Variants in DCUN1D4 observed in about 807,000 individuals in gnomAD.
The protein encoded by DCUN1D4 is defective in cullin neddylation 1 domain containing 4.
DCUN1D4 carries 22 observed loss-of-function variants against 47.9 expected under a neutral mutation model. The observed-to-expected ratio is 0.46, with a 90% CI of 0.33 to 0.66. DCUN1D4 has a LOEUF of 0.66. DCUN1D4 is among the 30% of genes least tolerant of loss of function. DCUN1D4 has a pLI of 0.02. For synonymous variants in DCUN1D4, 121 were observed against 112.2 expected (o/e 1.08, Z -0.50); for missense variants, 301 against 340.8 (o/e 0.88, Z 0.92).
At chr4:51,859,557 G>A (rs1724691873) in intron 1 of DCUN1D4, among the ~76,000 whole-genome samples, 2 of 148,326 alleles carry the variant, frequency 1.3e-5, no homozygotes, top group South Asian at 2.1e-4. Context: ...GAGTAGTTTG[G>A]GGGAATGGAC....
chr4:51,872,331 C>T (rs115706641), intron 3 of DCUN1D4, among the ~76,000 whole-genome samples: 3 of 152,296 alleles, frequency 2.0e-5, no homozygotes, highest in Admixed American at 1.3e-4. Context: ...CTATTGACAG[C>T]TCTCTCTGCC....
At chr4:51,843,074 C>G, upstream of DCUN1D4, 1 of 1,399,086 alleles carries the variant, frequency 7.1e-7, no homozygotes, top group Non-Finnish European at 9.3e-7. Flanking sequence ...AGAGACGCAG[C>G]AGGGCGGCCC....
At chr4:51,853,907 A>G (rs1427041623) in intron 1 of DCUN1D4, among the ~76,000 whole-genome samples, 3 of 152,220 alleles carry the variant, frequency 2.0e-5, no homozygotes, top group Admixed American at 6.5e-5. Flanking sequence ...AATTCTTGGT[A>G]GTGCTTCCCC....
chr4:51,890,427 A>G (rs1183884903), intron 6 of DCUN1D4, among the ~76,000 whole-genome samples: 1 of 152,196 alleles, frequency 6.6e-6, no homozygotes, highest in Non-Finnish European at 1.5e-5. Flanking sequence ...AGTGTCGGAT[A>G]TCCTAGTCCT....
intron 1 of DCUN1D4, chr4:51,848,494 G>A: frequency 1.4e-6 from 1 of 708,766 alleles, no homozygotes. Flanking sequence ...TCTTTCTTCA[G>A]ATTTACAGAG....
At chr4:51,862,554 T>C (rs1490692359) in intron 1 of DCUN1D4, among the ~76,000 whole-genome samples, 1 of 152,220 alleles carries the variant, frequency 6.6e-6, no homozygotes, top group Non-Finnish European at 1.5e-5. Context: ...AGTTACAATA[T>C]CTTTTCATGG....
At chr4:51,860,545 T>G (rs1384105256) in intron 1 of DCUN1D4, 1 of 454,450 alleles carries the variant, frequency 2.2e-6, no homozygotes, top group East Asian at 7.0e-5. Context: ...TTCTGCAGGC[T>G]TTACAGGAAG....
intron 4 of DCUN1D4, among the ~76,000 whole-genome samples, chr4:51,876,774 G>A (rs1727768184): frequency 2.0e-5 from 3 of 152,008 alleles, no homozygotes; most frequent in Admixed American, 1.3e-4. Context: ...GTAGATTTGG[G>A]TATAGGTGGG....
At chr4:51,887,963 G>A (rs1207294285) in intron 6 of DCUN1D4, among the ~76,000 whole-genome samples, 5 of 146,764 alleles carry the variant, frequency 3.4e-5, no homozygotes, top group Non-Finnish European at 4.5e-5. Flanking sequence ...TACCCAACTT[G>A]GCATGAAGGT....
At chr4:51,846,940 A>G (rs1377489330) in intron 1 of DCUN1D4, among the ~76,000 whole-genome samples, 2 of 152,208 alleles carry the variant, frequency 1.3e-5, no homozygotes, top group African/African-American at 2.4e-5. Context: ...AGGAAGGTGC[A>G]TATTTCCTTA....
At chr4:51,837,042 G>C in the DCUN1D4 span, among the ~76,000 whole-genome samples, 1 of 152,306 alleles carries the variant, frequency 6.6e-6, no homozygotes, top group South Asian at 2.1e-4. Flanking sequence ...TTGAAACAAT[G>C]CTATATTTAT....
chr4:51,890,940 A>G (rs559588390), intron 6 of DCUN1D4, among the ~76,000 whole-genome samples: 2 of 152,370 alleles, frequency 1.3e-5, no homozygotes, highest in South Asian at 4.1e-4. Flanking sequence ...GCATGGTTTC[A>G]GAAGAGTCAC....
At chr4:51,861,842 A>G (rs533147556) in intron 1 of DCUN1D4, among the ~76,000 whole-genome samples, 11 of 152,220 alleles carry the variant, frequency 7.2e-5, no homozygotes, top group Non-Finnish European at 1.3e-4. Context: ...TTGAATGTTC[A>G]AGCTCCTCAG....
chr4:51,834,042 TTCTC>T, the DCUN1D4 span, among the ~76,000 whole-genome samples: 12,362 of 51,788 alleles, frequency 0.24, 1,678 homozygotes, highest in South Asian at 0.28. Flanking sequence ...TTAGGAGTCT[TTCTC>T]TCTCTCTCTC....
intron 7 of DCUN1D4, among the ~76,000 whole-genome samples, chr4:51,895,823 C>T (rs1394334805): frequency 6.6e-6 from 1 of 152,088 alleles, no homozygotes; most frequent in South Asian, 2.1e-4. Context: ...TCCTTAGAAG[C>T]GTGGCACTGT....
intron 8 of DCUN1D4, among the ~76,000 whole-genome samples, chr4:51,906,992 T>C (rs567440892): frequency 6.6e-6 from 1 of 152,332 alleles, no homozygotes; most frequent in East Asian, 1.9e-4. Context: ...AGAGGTGAAA[T>C]GAGTTTAAGT....
At chr4:51,907,009 C>G (rs1031468741) in intron 8 of DCUN1D4, among the ~76,000 whole-genome samples, 3 of 152,200 alleles carry the variant, frequency 2.0e-5, no homozygotes, top group African/African-American at 7.2e-5. Flanking sequence ...AAGTGTAAGG[C>G]ACTTAGAACA....
At chr4:51,859,225 G>A (rs148218192) in intron 1 of DCUN1D4, among the ~76,000 whole-genome samples, 1 of 152,034 alleles carries the variant, frequency 6.6e-6, no homozygotes, top group Non-Finnish European at 1.5e-5. Context: ...ATCTCTTTAC[G>A]TGTATATCTT....
intron 3 of DCUN1D4, among the ~76,000 whole-genome samples, chr4:51,870,105 C>G (rs1334665107): frequency 6.6e-6 from 1 of 152,132 alleles, no homozygotes; most frequent in Non-Finnish European, 1.5e-5. Flanking sequence ...GATGTTCGTA[C>G]CTAATTAAGT....
Sources: gnomAD v4.1 joint callset for allele counts (sites outside exome capture counted in the v4.1 genomes callset) on GRCh38, gnomAD v4.1.1 for gene constraint, MANE v1.5 for transcripts, NCBI Gene and HGNC (gene_info 2026-07-23, HGNC 2026-07-21) for gene names.